Variants in UGT1A5 observed in about 807,000 individuals in gnomAD.
The protein encoded by UGT1A5 is UDP-glucuronosyltransferase 1A5.
In UGT1A5, 29 loss-of-function variants were observed where a neutral mutation model predicts 40.3. That is an observed-to-expected ratio of 0.72 (90% CI 0.54 to 0.98). The LOEUF (loss-of-function observed/expected upper bound fraction) is 0.98, where lower values mean the gene tolerates loss of function less well. Among genes scored for constraint, UGT1A5 ranks in the 50% least tolerant of loss-of-function variants. The pLI is 0.00. For synonymous variants in UGT1A5, 257 were observed against 262.5 expected, an observed-to-expected ratio of 0.98 and a Z score of 0.20; for missense variants, 678 against 677.9, an observed-to-expected ratio of 1.00 and a Z score of 0.00.
At chr2:233,749,016 A>G (rs182702501) in intron 1 of UGT1A5, among the ~76,000 whole-genome samples, 47 of 151,794 alleles carry the variant, frequency 3.1e-4, no homozygotes, top group Non-Finnish European at 5.9e-4. Flanking sequence ...TCTTTAATCC[A>G]GAATATTTGG....
At chr2:233,749,415 A>G (rs1694185994) in intron 1 of UGT1A5, among the ~76,000 whole-genome samples, 1 of 151,912 alleles carries the variant, frequency 6.6e-6, no homozygotes, top group Non-Finnish European at 1.5e-5. Context: ...TGTTAACTAC[A>G]TTGCTCAAAA....
intron 1 of UGT1A5, chr2:233,747,117 G>C: frequency 6.9e-7 from 1 of 1,451,680 alleles, no homozygotes; most frequent in Non-Finnish European, 9.3e-7. Flanking sequence ...ATGATGATTT[G>C]CTAAGTGGCT....
rs533684290 is a variant in UGT1A5, at chr2:233,717,047, G to A, written c.867+3189G>A. Among the ~76,000 whole-genome samples the A allele has an allele frequency of 3.9e-5, 6 of 152,238 alleles. No individual in the cohort carries two copies. In the South Asian group the frequency reaches 1.0e-3, roughly 26 times the overall value. ...CATCTTCCAAGATACATGGGCCTCCGCAGGGTCTAGGAGTGCCAGACACGT... is the reference window on the plus strand; with the variant it reads ...CATCTTCCAAGATACATGGGCCTCCACAGGGTCTAGGAGTGCCAGACACGT... On this transcript the variant is annotated intron_variant, in intron 1 of 4. Coordinates refer to ENST00000373414, the MANE Select transcript of UGT1A5 (RefSeq NM_019078.2).
intron 1 of UGT1A5, among the ~76,000 whole-genome samples, chr2:233,723,073 C>A (rs1176866455): frequency 2.1e-5 from 3 of 141,128 alleles, no homozygotes; most frequent in Non-Finnish European, 3.0e-5. Flanking sequence ...GGAAATATAT[C>A]ATCATTTTTG....
intron 1 of UGT1A5, among the ~76,000 whole-genome samples, chr2:233,719,977 G>A (rs928010366): frequency 8.5e-5 from 13 of 152,146 alleles, no homozygotes; most frequent in Admixed American, 4.6e-4. Flanking sequence ...CCTTCAGCTC[G>A]GCAGGATCAG....
chr2:233,714,585 C>A (rs1055592636), intron 1 of UGT1A5, among the ~76,000 whole-genome samples: 7 of 152,290 alleles, frequency 4.6e-5, no homozygotes, highest in African/African-American at 1.7e-4. Context: ...ATAATTTAAA[C>A]TTTTCTAGTG....
chr2:233,713,112 TG>T lies in UGT1A5; in HGVS notation c.123del (p.Trp41CysfsTer25), dbSNP rs2076279205. 8.1e-6 allele frequency: 13 copies of T among 1,614,212 alleles called. No individual in the cohort carries two copies. The highest frequency in any genetic ancestry group is 1.1e-5 in the Non-Finnish European group (13 of 1,180,024). On this transcript the variant is annotated frameshift_variant, in exon 1 of 5. Coordinates refer to ENST00000373414, the MANE Select transcript of UGT1A5 (RefSeq NM_019078.2). LOFTEE classifies it high-confidence loss of function. ...VLVVPTDGSH[W>X]LSMREALRDL... ...GGTGGTGCCCACTGATGGCAGCCAC[TG>T]GCTCAGCATGCGGGAGGCCTTGCGG...
intron 1 of UGT1A5, among the ~76,000 whole-genome samples, chr2:233,737,586 G>T (rs1642090076): frequency 6.6e-6 from 1 of 152,172 alleles, no homozygotes; most frequent in African/African-American, 2.4e-5. Flanking sequence ...CAGTCCCAAT[G>T]AGATGAACCA....
At chr2:233,760,415 T>C in intron 1 of UGT1A5, 2 of 1,614,208 alleles carry the variant, frequency 1.2e-6, no homozygotes, top group Admixed American at 1.7e-5. Flanking sequence ...TGGCTGAGCA[T>C]GCTTGGGGCC....
chr2:233,743,207 A>C, intron 1 of UGT1A5: 1 of 394,578 alleles, frequency 2.5e-6, no homozygotes, highest in Non-Finnish European at 5.0e-6. Flanking sequence ...GTCAATGCGG[A>C]GTAACTGCTC....
intron 1 of UGT1A5, chr2:233,729,450 G>C (rs1394250627): frequency 3.1e-6 from 5 of 1,614,082 alleles, no homozygotes; most frequent in Non-Finnish European, 3.4e-6. Flanking sequence ...ATTTTCTGAA[G>C]AAATTTTTCA....
At chr2:233,730,669 A>T (rs1310479965) in intron 1 of UGT1A5, among the ~76,000 whole-genome samples, 1 of 152,122 alleles carries the variant, frequency 6.6e-6, no homozygotes, top group African/African-American at 2.4e-5. Flanking sequence ...CGGAAGGCAA[A>T]GTAATGGTTG....
intron 1 of UGT1A5, chr2:233,754,534 G>A (rs1695504785): frequency 2.7e-6 from 1 of 372,112 alleles, no homozygotes; most frequent in Non-Finnish European, 5.3e-6. Flanking sequence ...GGCAAATGTG[G>A]ACTGGAATTA....
intron 4 of UGT1A5, among the ~76,000 whole-genome samples, chr2:233,768,835 C>T (rs968956061): frequency 7.9e-5 from 12 of 152,116 alleles, no homozygotes; most frequent in African/African-American, 2.6e-4. Flanking sequence ...CCACCTGCCT[C>T]GGCCTGCCAA....
intron 1 of UGT1A5, chr2:233,747,259 G>A: frequency 6.2e-7 from 1 of 1,600,500 alleles, no homozygotes; most frequent in South Asian, 1.1e-5. Context: ...GGCCACAGGA[G>A]TGCTACTCCT....
At chr2:233,747,937 A>G in intron 1 of UGT1A5, 1 of 1,613,182 alleles carries the variant, frequency 6.2e-7, no homozygotes, top group Non-Finnish European at 8.5e-7. Context: ...TTTCAGAGGG[A>G]GGTGTCAGTG....
chr2:233,728,960 A>T, intron 1 of UGT1A5: 1 of 1,448,658 alleles, frequency 6.9e-7, no homozygotes, highest in Non-Finnish European at 9.2e-7. Context: ...CACAGTGAAA[A>T]ACAGTGATAG....
intron 4 of UGT1A5, 146 bp downstream of exon 4, chr2:233,768,585 T>C (rs35500060): frequency 1.2e-4 from 36 of 308,386 alleles, no homozygotes; most frequent in Middle Eastern, 1.5e-3. Context: ...ATTTCTTCTT[T>C]TTTTTTTTTT....
At chr2:233,743,262 C>T (rs764022501) in intron 1 of UGT1A5, 18 of 451,920 alleles carry the variant, frequency 4.0e-5, no homozygotes, top group Non-Finnish European at 7.5e-5. Context: ...CTCCATCTTC[C>T]TCCACTTCCA....
Sources: gnomAD v4.1 joint callset for allele counts (sites outside exome capture counted in the v4.1 genomes callset) on GRCh38, gnomAD v4.1.1 for gene constraint, MANE v1.5 for transcripts, NCBI Gene and HGNC (gene_info 2026-07-23, HGNC 2026-07-21) for gene names.